Variants in MMP26 observed in about 807,000 individuals in gnomAD.
MMP26 encodes the protein matrix metalloproteinase-26.
A neutral mutation model predicts 31.0 loss-of-function variants in MMP26; 33 were observed. That is an observed-to-expected ratio of 1.06 (90% confidence interval 0.81 to 1.42). The LOEUF is 1.42. MMP26 is among the 40% of genes most tolerant of loss of function. MMP26 has a pLI of 0.00. For synonymous variants in MMP26, 122 were observed against 114.9 expected (o/e 1.06, Z -0.40); for missense variants, 347 against 316.1 (o/e 1.10, Z -0.74).
intron 2 of MMP26, among the ~76,000 whole-genome samples, chr11:4,837,275 A>G (rs77761609): frequency 0.014 from 2,132 of 152,314 alleles, 21 homozygotes; most frequent in Middle Eastern, 0.027. Context: ...TGGTGAAACC[A>G]TAGCTCACTG....
At chr11:4,821,552 A>G in intron 2 of MMP26, 3 of 1,612,772 alleles carry the variant, frequency 1.9e-6, no homozygotes, top group Non-Finnish European at 2.5e-6. Flanking sequence ...GTCTCTGGAA[A>G]TAGCATGATC....
chr11:4,989,535 G>C (rs1846960889), intron 3 of MMP26, 113 bp from the exon 4 acceptor site: 1 of 762,178 alleles, frequency 1.3e-6, no homozygotes, highest in Non-Finnish European at 2.1e-6. Flanking sequence ...ACTTAGGAAG[G>C]CCAGACTAAG....
chr11:4,748,415 G>A (rs1217301552), intron 1 of MMP26, among the ~76,000 whole-genome samples: 1 of 151,866 alleles, frequency 6.6e-6, no homozygotes, highest in Admixed American at 6.6e-5. Context: ...AAAAATCAAG[G>A]AGGGGGGAAT....
intron 1 of MMP26, chr11:4,710,996 T>C (rs1171131162): frequency 6.5e-6 from 1 of 152,720 alleles, no homozygotes; most frequent in African/African-American, 2.4e-5. Context: ...AAGGACTACT[T>C]TCCTAATTCT....
chr11:4,848,937 C>T (rs765396958), intron 2 of MMP26: 2 of 1,613,998 alleles, frequency 1.2e-6, no homozygotes, highest in Admixed American at 3.3e-5. Context: ...AAGGGCGATG[C>T]CCAGCAGTGT....
At chr11:4,985,728 AT>A (rs1238490947) in intron 2 of MMP26, among the ~76,000 whole-genome samples, 1 of 152,106 alleles carries the variant, frequency 6.6e-6, no homozygotes, top group African/African-American at 2.4e-5. Flanking sequence ...AATTGTATTT[AT>A]TTTTGTAGAG....
chr11:4,825,017 A>AG (rs1172318734), intron 2 of MMP26, among the ~76,000 whole-genome samples: 1 of 152,036 alleles, frequency 6.6e-6, no homozygotes. Flanking sequence ...GTTAATAAAA[A>AG]TCCTCTTTTC....
chr11:4,840,273 C>G (rs1167019399), intron 2 of MMP26, among the ~76,000 whole-genome samples: 3 of 152,222 alleles, frequency 2.0e-5, no homozygotes, highest in Non-Finnish European at 4.4e-5. Flanking sequence ...GGAAAGGACA[C>G]AGGCCTGGCT....
chr11:4,783,208 A>G, intron 2 of MMP26, among the ~76,000 whole-genome samples: 1 of 152,364 alleles, frequency 6.6e-6, no homozygotes, highest in East Asian at 1.9e-4. Flanking sequence ...ACCAGGTGGG[A>G]GGATGTACCT....
At chr11:4,923,014 C>T (rs1244134566) in intron 2 of MMP26, among the ~76,000 whole-genome samples, 1 of 151,962 alleles carries the variant, frequency 6.6e-6, no homozygotes, top group Non-Finnish European at 1.5e-5. Context: ...TTACACTGGC[C>T]AGAGAATTGA....
At chr11:4,788,963 T>C (rs1489349913) in intron 2 of MMP26, among the ~76,000 whole-genome samples, 1 of 152,174 alleles carries the variant, frequency 6.6e-6, no homozygotes, top group Non-Finnish European at 1.5e-5. Context: ...ACCTAACGCA[T>C]GAGTTCCCAG....
At chr11:4,965,746 C>T (rs1564816364) in intron 2 of MMP26, among the ~76,000 whole-genome samples, 1 of 152,134 alleles carries the variant, frequency 6.6e-6, no homozygotes, top group Non-Finnish European at 1.5e-5. Context: ...TATTGGTTAA[C>T]AGGAATCAAA....
chr11:4,723,013 G>T, intron 1 of MMP26: 1 of 922,832 alleles, frequency 1.1e-6, no homozygotes, highest in Non-Finnish European at 1.8e-6. Flanking sequence ...GCAGCTTCCT[G>T]TAGGTGGCGA....
At chr11:4,876,069 T>C (rs193056972) in intron 2 of MMP26, 184 of 152,230 alleles carry the variant, frequency 1.2e-3, no homozygotes, top group African/African-American at 4.3e-3. Flanking sequence ...ATCAAAACAA[T>C]TTAAGATCAC....
chr11:4,810,486 G>T (rs1005815271), intron 2 of MMP26, among the ~76,000 whole-genome samples: 2 of 152,146 alleles, frequency 1.3e-5, no homozygotes, highest in African/African-American at 4.8e-5. Context: ...TGAGTTCAAG[G>T]TTATTGAATA....
chr11:4,881,331 A>G (rs1850459482), intron 2 of MMP26, among the ~76,000 whole-genome samples: 1 of 152,290 alleles, frequency 6.6e-6, no homozygotes, highest in South Asian at 2.1e-4. Flanking sequence ...GATAACTGAT[A>G]TCTGCTTTAT....
At chr11:4,872,349 A>G (rs956969666) in intron 2 of MMP26, among the ~76,000 whole-genome samples, 6 of 152,214 alleles carry the variant, frequency 3.9e-5, no homozygotes, top group Middle Eastern at 3.4e-3. Flanking sequence ...ATGCTCAGCA[A>G]GCATTACTTT....
At chr11:4,788,041 A>AT (rs2133440043) in intron 2 of MMP26, among the ~76,000 whole-genome samples, 1 of 152,306 alleles carries the variant, frequency 6.6e-6, no homozygotes, top group East Asian at 1.9e-4. Flanking sequence ...CCTGGATATC[A>AT]TGCTGGTTCT....
chr11:4,988,141 C>A lies in MMP26; in HGVS notation c.-71C>A. The A allele has an allele frequency of 1.5e-6, 2 of 1,351,374 alleles. No individual in the cohort carries two copies. The highest frequency in any genetic ancestry group is 2.1e-6 in the Non-Finnish European group (2 of 940,838). The allele number at this position is 1,351,374 out of a possible 1,614,324, so 83.7% of individuals were successfully genotyped here. A position where few individuals can be genotyped will look rare whatever the true frequency, so the allele number is the denominator to read the frequency against. On this transcript the variant is annotated 5_prime_UTR_variant, in exon 3 of 8. Transcript: ENST00000380390. Reference sequence around the variant, plus strand: ...AGAGTGAGTCATTGGATGTTGCTGGCACAGCTATAAAGATCCAGTGGCCCA... The same window carrying A: ...AGAGTGAGTCATTGGATGTTGCTGGAACAGCTATAAAGATCCAGTGGCCCA...
Sources: gnomAD v4.1 joint callset for allele counts (sites outside exome capture counted in the v4.1 genomes callset) on GRCh38, gnomAD v4.1.1 for gene constraint, MANE v1.5 for transcripts, NCBI Gene and HGNC (gene_info 2026-07-23, HGNC 2026-07-21) for gene names.